The following CSMD1 variants were observed in gnomAD, a reference collection of about 807,000 sequenced individuals.
The protein encoded by CSMD1 is CUB and sushi domain-containing protein 1.
In CSMD1, 213 loss-of-function variants were observed where a neutral mutation model predicts 417.5. That is an observed-to-expected ratio of 0.51 (90% CI 0.46 to 0.57). CSMD1 has a LOEUF of 0.57. Ranked by LOEUF, CSMD1 falls within the 20% of genes least tolerant of loss-of-function variation. The probability of loss-of-function intolerance (pLI) is 0.00; values close to 1 mark genes in which losing one functional copy is unlikely to be tolerated. For missense variants in CSMD1, 6,923 were observed against 4,529.7 expected (o/e 1.53, Z -15.17); for synonymous variants, 2,862 against 1,736.8 (o/e 1.65, Z -16.11).
At chr8:3,002,373 G>A (rs893983687) in intron 52 of CSMD1, among the ~76,000 whole-genome samples, 4 of 152,164 alleles carry the variant, frequency 2.6e-5, no homozygotes, top group African/African-American at 4.8e-5. Context: ...ACAGGGAGAC[G>A]AGGACTGGTG....
At chr8:4,489,307 G>T (rs540288672) in intron 2 of CSMD1, among the ~76,000 whole-genome samples, 1 of 152,178 alleles carries the variant, frequency 6.6e-6, no homozygotes, top group Non-Finnish European at 1.5e-5. Context: ...ATGTCTCAAA[G>T]ATTCAATGCA....
intron 16 of CSMD1, among the ~76,000 whole-genome samples, chr8:3,398,917 G>A (rs935812647): frequency 4.6e-5 from 7 of 152,098 alleles, no homozygotes; most frequent in South Asian, 2.1e-4. Flanking sequence ...ACTCATAGGC[G>A]ATTAGTTGGT....
At chr8:4,917,403 G>A (rs906054929) in intron 1 of CSMD1, among the ~76,000 whole-genome samples, 3 of 152,164 alleles carry the variant, frequency 2.0e-5, no homozygotes, top group Non-Finnish European at 4.4e-5. Context: ...GGGAGGCCAA[G>A]GTGGGCAGAC....
chr8:4,388,944 C>T (rs1284997728), intron 3 of CSMD1, among the ~76,000 whole-genome samples: 4 of 152,126 alleles, frequency 2.6e-5, no homozygotes, highest in Admixed American at 2.6e-4. Context: ...AAACCTGTTG[C>T]CATCTCTACG....
rs559439108 is a variant in CSMD1, at chr8:2,963,306, T to C, written c.9370A>G (p.Met3124Val). Residue 3124 changes from methionine (M) to valine (V), a missense_variant, in exon 60 of 70, where the codon ATG becomes GTG. Coordinates refer to ENST00000635120, the MANE Select transcript of CSMD1 (RefSeq NM_033225.6). ...RWGSSISYSCMDGYQLSHSAI... is the reference protein window; with the variant it reads ...RWGSSISYSCVDGYQLSHSAI... Reference sequence around the variant, plus strand: ...GAGTGAGAGAGCTGGTAACCGTCCATGCAGCTGTAACTTATGCTGGAGCCC... The same window carrying C: ...GAGTGAGAGAGCTGGTAACCGTCCACGCAGCTGTAACTTATGCTGGAGCCC... The C allele has an allele frequency of 1.9e-6, 3 of 1,613,854 alleles. No homozygotes were observed. The highest frequency in any genetic ancestry group is 1.3e-5 in the African/African-American group (1 of 74,936).
intron 3 of CSMD1, among the ~76,000 whole-genome samples, chr8:4,145,286 C>T (rs919114234): frequency 2.6e-5 from 4 of 150,966 alleles, no homozygotes; most frequent in Admixed American, 6.6e-5. Flanking sequence ...ACTTCCAATG[C>T]TTTCTTGTTG....
intron 26 of CSMD1, among the ~76,000 whole-genome samples, chr8:3,234,884 C>G (rs1025401945): frequency 6.6e-6 from 1 of 152,194 alleles, no homozygotes; most frequent in Non-Finnish European, 1.5e-5. Context: ...GAGTGATATT[C>G]CTATAGAATC....
chr8:4,238,066 C>T (rs1173687486), intron 3 of CSMD1, among the ~76,000 whole-genome samples: 1 of 152,090 alleles, frequency 6.6e-6, no homozygotes, highest in African/African-American at 2.4e-5. Flanking sequence ...CCTAGGAGGC[C>T]TCAAGAGATT....
chr8:4,107,169 A>G (rs925553737), intron 3 of CSMD1, among the ~76,000 whole-genome samples: 3 of 152,202 alleles, frequency 2.0e-5, no homozygotes, highest in Admixed American at 6.5e-5. Context: ...TCAACTTCAG[A>G]AAACAAATGC....
chr8:3,510,950 A>C (rs1383007826), intron 10 of CSMD1, among the ~76,000 whole-genome samples: 1 of 151,780 alleles, frequency 6.6e-6, no homozygotes, highest in Admixed American at 6.6e-5. Context: ...CTGCAGCACT[A>C]TTCACAATAG....
chr8:4,186,476 A>C (rs1563241918), intron 3 of CSMD1, among the ~76,000 whole-genome samples: 1 of 152,128 alleles, frequency 6.6e-6, no homozygotes, highest in Non-Finnish European at 1.5e-5. Flanking sequence ...GCTAATAAGG[A>C]AAATAAATAA....
chr8:4,001,803 G>T (rs1490712163), intron 4 of CSMD1, among the ~76,000 whole-genome samples: 2 of 152,028 alleles, frequency 1.3e-5, no homozygotes, highest in Non-Finnish European at 2.9e-5. Context: ...AAATTTAAGG[G>T]TAACTTTGTT....
chr8:4,946,515 C>G (rs7815373), intron 1 of CSMD1, among the ~76,000 whole-genome samples: 78,599 of 151,500 alleles, frequency 0.52, 21,271 homozygotes, highest in East Asian at 0.79. Context: ...GCCATCCCCC[C>G]AGCTGCCTCT....
In CSMD1 at chr8:3,367,158, C is replaced by A; in HGVS notation, c.2989G>T (p.Ala997Ser). 4.3e-6 allele frequency: 7 copies of A among 1,613,622 alleles called. No individual in the cohort carries two copies. The highest frequency in any genetic ancestry group is 5.9e-6 in the Non-Finnish European group (7 of 1,179,732). Residue 997 changes from alanine (A) to serine (S), a missense_variant, in exon 20 of 70, where the codon GCC (alanine) becomes TCC (serine). Transcript: ENST00000635120. ...GGCAACACCGACCCGGTGAGCCTGG[C>A]AACGGGCTCGGAAAAACTTCCATCC... ...TEDGSFSEPV[A>S]RLTGSVLPHT...
chr8:3,888,697 G>C (rs1354325517), intron 5 of CSMD1, among the ~76,000 whole-genome samples: 1 of 152,156 alleles, frequency 6.6e-6, no homozygotes, highest in Admixed American at 6.5e-5. Flanking sequence ...TGCCGGGACA[G>C]AGATGGTGCT....
At chr8:4,127,878 C>T (rs1242058165) in intron 3 of CSMD1, among the ~76,000 whole-genome samples, 1 of 152,100 alleles carries the variant, frequency 6.6e-6, no homozygotes, top group Non-Finnish European at 1.5e-5. Context: ...ACACTGCCAG[C>T]AAATGGTGAA....
chr8:3,954,020 G>T (rs1037184129), intron 5 of CSMD1, among the ~76,000 whole-genome samples: 1 of 152,150 alleles, frequency 6.6e-6, no homozygotes. Flanking sequence ...AGCGCCACCT[G>T]CTCATGGTGA....
At chr8:4,439,667 C>T (rs1038877728) in intron 2 of CSMD1, among the ~76,000 whole-genome samples, 1 of 152,084 alleles carries the variant, frequency 6.6e-6, no homozygotes, top group Non-Finnish European at 1.5e-5. Context: ...GGAGTGCGTA[C>T]TATGAAAATG....
Position 4,062,415 on chromosome 8 carries a change from A to T in CSMD1, c.416-30316T>A, listed in dbSNP as rs147670348. On this transcript the variant is annotated intron_variant, in intron 3 of 69. Transcript: ENST00000635120. ...GCAATGAGACCAATCGGTTGTACATACGTATTCTAGAAATTTTCTAAGAAT... is the reference window on the plus strand; with the variant it reads ...GCAATGAGACCAATCGGTTGTACATTCGTATTCTAGAAATTTTCTAAGAAT... Among the ~76,000 whole-genome samples the T allele has an allele frequency of 5.3e-5, 8 of 152,256 alleles. No homozygotes were observed. In the East Asian group the frequency reaches 1.5e-3, roughly 29 times the overall value.
Sources: gnomAD v4.1 joint callset for allele counts (sites outside exome capture counted in the v4.1 genomes callset) on GRCh38, gnomAD v4.1.1 for gene constraint, MANE v1.5 for transcripts, NCBI Gene and HGNC (gene_info 2026-07-23, HGNC 2026-07-21) for gene names.